The following C21orf58 variants were observed in gnomAD, a reference collection of about 807,000 sequenced individuals.
C21orf58 encodes the protein chromosome 21 open reading frame 58.
In C21orf58, 34 loss-of-function variants were observed where a neutral mutation model predicts 35.8. That is an observed-to-expected ratio of 0.95 (90% confidence interval 0.72 to 1.26). C21orf58 has a LOEUF of 1.26. Ranked by LOEUF, C21orf58 falls within the 50% of genes most tolerant of loss-of-function variation. The probability of loss-of-function intolerance (pLI) is 0.00; values close to 1 mark genes in which losing one functional copy is unlikely to be tolerated. For synonymous variants in C21orf58, 191 were observed against 175.8 expected (o/e 1.09, Z -0.68); for missense variants, 440 against 414.3 (o/e 1.06, Z -0.54).
chr21:46,300,879 C>CAA, downstream of C21orf58: 24 of 912,162 alleles, frequency 2.6e-5, no homozygotes, highest in South Asian at 9.1e-5. Context: ...TAATTGCACC[C>CAA]AAAAAAAAAA....
chr21:46,318,511 C>T, intron 1 of C21orf58: 1 of 1,310,954 alleles, frequency 7.6e-7, no homozygotes, highest in Non-Finnish European at 9.8e-7. Flanking sequence ...CACCACCAGC[C>T]TCAGGACCCA....
rs929944374 is a variant in C21orf58, at chr21:46,302,070, CATG to C, written c.895_897del (p.His299del). On this transcript the variant is annotated inframe_deletion, in exon 8 of 8. Coordinates refer to ENST00000291691, the MANE Select transcript of C21orf58 (RefSeq NM_058180.5). ...GTGGCAGCCCCAGGTGGCCACACAG[CATG>C]GTGGTGGTGGTGGTGGTGGTGCACG... 1.4e-6 allele frequency: 2 copies of C among 1,476,658 alleles called. No homozygotes were observed. The highest frequency in any genetic ancestry group is 1.3e-5 in the South Asian group (1 of 75,946). The allele number at this position is 1,476,658 out of a possible 1,614,324, so 91.5% of individuals were successfully genotyped here. A position where few individuals can be genotyped will look rare whatever the true frequency, so the allele number is the denominator to read the frequency against.
In C21orf58 at chr21:46,323,820, G is replaced by A. The variant is rs975245619; in HGVS notation, c.-1082C>T. On this transcript the variant is annotated 5_prime_UTR_variant, in exon 1 of 8. Transcript: ENST00000291691. The stretch of plus-strand genomic sequence containing the variant: ...AGGGAGCCCGGCCCGCTGTCCTGGT[G>A]GACACAAAGCCCAGGGGCCGCCCGC... 1.5e-5 allele frequency: 5 copies of A among 340,944 alleles called. No individual in the cohort carries two copies. The highest frequency in any genetic ancestry group is 4.5e-5 in the African/African-American group (2 of 44,730). The allele number at this position is 340,944 out of a possible 1,614,324, so 21.1% of individuals were successfully genotyped here. A position where few individuals can be genotyped will look rare whatever the true frequency, so the allele number is the denominator to read the frequency against.
At chr21:46,309,425 T>A (rs1041463773) in intron 6 of C21orf58, among the ~76,000 whole-genome samples, 3 of 147,572 alleles carry the variant, frequency 2.0e-5, no homozygotes, top group African/African-American at 7.6e-5. Flanking sequence ...TTGCGCCACT[T>A]CACTCAAGCC....
chr21:46,318,214 G>A lies in C21orf58; in HGVS notation c.107C>T (p.Ser36Phe), dbSNP rs146609305. The part of the protein sequence containing the change: ...DSGHSLLCGW[S>F]PGGKARPAGN... ...TGCAGGGCGGGCCTTACCTCCTGGAGACCAGCCTGAGGGAAGAGAAGAGCC... is the reference window on the plus strand; with the variant it reads ...TGCAGGGCGGGCCTTACCTCCTGGAAACCAGCCTGAGGGAAGAGAAGAGCC... The change falls in exon 2 of 8, where the codon TCT becomes TTT. Residue 36 changes from serine (S) to phenylalanine (F), a missense_variant. By Grantham distance (155) the Ser-to-Phe change is radical (BLOSUM62 -2). Coordinates refer to ENST00000291691, the MANE Select transcript of C21orf58 (RefSeq NM_058180.5). 3.0e-5 allele frequency: 49 copies of A among 1,612,048 alleles called. No individual in the cohort carries two copies. The highest frequency in any genetic ancestry group is 4.2e-5 in the Non-Finnish European group (49 of 1,179,968).
intron 2 of C21orf58, 43 bp downstream of exon 2, chr21:46,317,969 C>CAA (rs2083038393): frequency 6.2e-7 from 1 of 1,605,802 alleles, no homozygotes; most frequent in Non-Finnish European, 8.5e-7. Context: ...ACGCCACAGC[C>CAA]TGCGAGTTGT....
Position 46,303,730 on chromosome 21 carries a change from TATATATATATATATA to T in C21orf58, c.722-1169_722-1155del, listed in dbSNP as rs1569116238. Among the ~76,000 whole-genome samples, 72 of 28,726 alleles carry T rather than the reference TATATATATATATATA, an allele frequency of 2.5e-3. 1 individual carries two copies. The highest frequency in any genetic ancestry group is 6.9e-3 in the African/African-American group (41 of 5,908). The allele number at this position is 28,726 out of a possible 152,430, so 18.8% of individuals were successfully genotyped here. On this transcript the variant is annotated intron_variant, in intron 6 of 7. Coordinates refer to ENST00000291691, the MANE Select transcript of C21orf58 (RefSeq NM_058180.5). ...CAAAATATATATATATATATATATA[TATATATATATATATA>T]TTTTTTTTTTTTTTTTTTTTTTTGG...
At chr21:46,315,310 T>G (rs1255423770) in intron 4 of C21orf58, 164 bp downstream of exon 4, 7 of 606,816 alleles carry the variant, frequency 1.2e-5, no homozygotes, top group Non-Finnish European at 2.1e-5. Context: ...GATGGAAACC[T>G]GCACCCAGGC....
chr21:46,320,736 T>C (rs1165026476), intron 1 of C21orf58: 1 of 152,226 alleles, frequency 6.6e-6, no homozygotes, highest in Admixed American at 6.5e-5. Flanking sequence ...CCTCCACATC[T>C]GCTGCTGCAG....
intron 2 of C21orf58, among the ~76,000 whole-genome samples, chr21:46,317,510 G>A (rs2083017901): frequency 6.6e-6 from 1 of 152,202 alleles, no homozygotes; most frequent in Non-Finnish European, 1.5e-5. Flanking sequence ...GCTCTGAGTG[G>A]TCCCTTCAGG....
Position 46,301,993 on chromosome 21 carries a change from T to TCA in C21orf58, c.*4_*5dup. 2 of 1,522,384 alleles carry TCA rather than the reference T, an allele frequency of 1.3e-6. No individual in the cohort carries two copies. Among genetic ancestry groups the TCA allele is most frequent in the South Asian group, 2.5e-5 (2 of 81,602 alleles). The allele number at this position is 1,522,384 out of a possible 1,614,324, so 94.3% of individuals were successfully genotyped here. On this transcript the variant is annotated 3_prime_UTR_variant, in exon 8 of 8. Transcript: ENST00000291691. ...GTGCCCCGGCCAGGGTCTCTGTGAC[T>TCA]CACACTCAGGGTGGGCCAGGCGTCC...
At chr21:46,320,536 A>AG (rs2083121245) in intron 1 of C21orf58, 1 of 135,888 alleles carries the variant, frequency 7.4e-6, no homozygotes, top group South Asian at 2.3e-4. Context: ...AAAAAAAAAA[A>AG]AGGGTATCAG....
chr21:46,317,495 C>A lies in C21orf58; in HGVS notation c.310-227G>T, dbSNP rs1397534825. The A allele has an allele frequency of 1.1e-4, 80 of 701,290 alleles. No homozygotes were observed. The East Asian group carries it at 2.2e-3, about 19-fold the overall frequency. 43.4% of individuals were successfully genotyped at this position (701,290 alleles called of 1,614,324 possible). Reference sequence around the variant, plus strand: ...TGTGTTCCATCCACAAGTCTAGGGGCGGATGCTCTGAGTGGTCCCTTCAGG... The same window carrying A: ...TGTGTTCCATCCACAAGTCTAGGGGAGGATGCTCTGAGTGGTCCCTTCAGG... On this transcript the variant is annotated intron_variant, in intron 2 of 7. Transcript: ENST00000291691.
chr21:46,301,989 T>C lies in C21orf58; in HGVS notation c.*10A>G. 1.3e-6 allele frequency: 2 copies of C among 1,518,326 alleles called. No homozygotes were observed. The highest frequency in any genetic ancestry group is 1.8e-6 in the Non-Finnish European group (2 of 1,133,436). The allele number at this position is 1,518,326 out of a possible 1,614,324, so 94.1% of individuals were successfully genotyped here. A position where few individuals can be genotyped will look rare whatever the true frequency, so the allele number is the denominator to read the frequency against. On this transcript the variant is annotated 3_prime_UTR_variant, in exon 8 of 8. Coordinates refer to ENST00000291691, the MANE Select transcript of C21orf58 (RefSeq NM_058180.5). ...GAGGGTGCCCCGGCCAGGGTCTCTGTGACTCACACTCAGGGTGGGCCAGGC... is the reference window on the plus strand; with the variant it reads ...GAGGGTGCCCCGGCCAGGGTCTCTGCGACTCACACTCAGGGTGGGCCAGGC...
At position 46,314,766 on chromosome 21, in the gene C21orf58, C is replaced by A. The variant is rs2082901381; in HGVS notation, c.559G>T (p.Ala187Ser). 6.6e-7 allele frequency: 1 copy of A among 1,514,414 alleles called. No homozygotes were observed. Among genetic ancestry groups the A allele is most frequent in the South Asian group, 1.3e-5 (1 of 79,716 alleles). 93.8% of individuals were successfully genotyped at this position (1,514,414 alleles called of 1,614,324 possible). Reference protein sequence around the residue: ...ELPPTGILPTASPSPLAPDPP... With the variant: ...ELPPTGILPTSSPSPLAPDPP... ...TCTGGGGCCAGCGGGGATGGGGAGG[C>A]AGTGGGTAGGATGCCCGTGGGGGGC... The change falls in exon 5 of 8, where the codon GCC becomes TCC. Residue 187 changes from alanine (A) to serine (S), a missense_variant. Transcript: ENST00000291691.
At chr21:46,322,489 C>T (rs1327983369) in intron 1 of C21orf58, 150 bp downstream of exon 1, 15 of 1,273,118 alleles carry the variant, frequency 1.2e-5, no homozygotes, top group Admixed American at 4.0e-5. Context: ...GTCTCTGTTC[C>T]TGGAAAGTGT....
In C21orf58 at chr21:46,318,137, T is replaced by C. The variant is rs372259239; in HGVS notation, c.184A>G (p.Arg62Gly). 2 of 1,613,114 alleles carry C rather than the reference T, an allele frequency of 1.2e-6. No homozygotes were observed. Among genetic ancestry groups the C allele is most frequent in the Non-Finnish European group, 8.5e-7 (1 of 1,180,006 alleles). ...CACAGCCCACCTCCCTCCCTGGTTC[T>C]GTTACTCGCAGGAAAGAACTGCTCA... ...PAEQFFPASNRTREGGGLWPP... is the reference protein window; with the variant it reads ...PAEQFFPASNGTREGGGLWPP... The change falls in exon 2 of 8, where the codon AGA becomes GGA. Residue 62 changes from arginine (R) to glycine (G), a missense_variant. By Grantham distance (125) the Arg-to-Gly change is moderately radical. Transcript: ENST00000291691.
chr21:46,308,902 C>T (rs1569124444), intron 6 of C21orf58, among the ~76,000 whole-genome samples: 3 of 152,178 alleles, frequency 2.0e-5, no homozygotes, highest in African/African-American at 7.2e-5. Flanking sequence ...GCCCCCTTGC[C>T]ACGTGATGCC....
chr21:46,318,513 C>T, intron 1 of C21orf58: 1 of 1,305,928 alleles, frequency 7.7e-7, no homozygotes, highest in Non-Finnish European at 9.8e-7. Context: ...CCACCAGCCT[C>T]AGGACCCAGT....
Sources: allele counts gnomAD v4.1 joint callset (sites outside exome capture counted in the v4.1 genomes callset), GRCh38; gene constraint gnomAD v4.1.1; transcripts MANE v1.5; gene names NCBI Gene and HGNC (gene_info 2026-07-23, HGNC 2026-07-21).